The following LMO7 variants were observed in gnomAD, a reference collection of about 807,000 sequenced individuals.
The protein encoded by LMO7 is LIM domain only protein 7.
A neutral mutation model predicts 206.5 loss-of-function variants in LMO7; 120 were observed. The ratio of observed to expected loss-of-function variants is 0.58; its 90% CI spans 0.50 to 0.68. LMO7 has a LOEUF of 0.68. Among genes scored for constraint, LMO7 ranks in the 30% least tolerant of loss-of-function variants. The pLI is 0.00. For synonymous variants in LMO7, 706 were observed against 681.5 expected (o/e 1.04, Z -0.56); for missense variants, 1,959 against 1,957.9 (o/e 1.00, Z -0.01).
rs114763990 is a variant in LMO7 at position 75,669,892 on chromosome 13, G to A, written c.69+33166G>A. Among the ~76,000 whole-genome samples the A allele has an allele frequency of 4.3e-3, 656 of 152,304 alleles. 3 individuals are homozygous for A. The highest frequency in any genetic ancestry group is 0.015 in the African/African-American group (634 of 41,566). ...CAGAGGTTTCAGGATATGGGATAGG[G>A]ACATGATCTGGTGGAAACTGTGGTC... On this transcript the variant is annotated intron_variant, in intron 1 of 30. Coordinates refer to ENST00000377534, the MANE Select transcript of LMO7 (RefSeq NM_001306080.2).
chr13:75,806,647 T>C (rs905965225), intron 9 of LMO7: 5 of 152,228 alleles, frequency 3.3e-5, no homozygotes, highest in Non-Finnish European at 5.9e-5. Context: ...CTAGGGAAAA[T>C]GCAAAGGGAA....
intron 1 of LMO7, among the ~76,000 whole-genome samples, chr13:75,681,746 A>G (rs1042526323): frequency 7.2e-6 from 1 of 139,324 alleles, no homozygotes; most frequent in Non-Finnish European, 1.6e-5. Context: ...ATATATATAT[A>G]TATGGAATCT....
intron 2 of LMO7, among the ~76,000 whole-genome samples, chr13:75,626,595 A>ATATATATATTTTTTTTTTTTTTTTT: frequency 1.4e-5 from 1 of 71,098 alleles, no homozygotes; most frequent in Non-Finnish European, 3.6e-5. Flanking sequence ...ATATATATAA[A>ATATATATATTTTTTTTTTTTTTTTT]TTTTTTTGAG....
chr13:75,791,865 A>AT (rs1392588669), intron 4 of LMO7, among the ~76,000 whole-genome samples: 1 of 152,058 alleles, frequency 6.6e-6, no homozygotes, highest in South Asian at 2.1e-4. Context: ...CAAGATAGGT[A>AT]TTTTTTTAAA....
intron 1 of LMO7, among the ~76,000 whole-genome samples, chr13:75,660,495 GTTTCTTGGT>G (rs2038479476): frequency 6.6e-6 from 1 of 152,070 alleles, no homozygotes; most frequent in South Asian, 2.1e-4. Flanking sequence ...CCTCCTTCTT[GTTTCTTGGT>G]TTTCACACTT....
intron 19 of LMO7, 131 bp from the exon 20 acceptor site, chr13:75,838,009 T>C: frequency 1.6e-6 from 1 of 608,898 alleles, no homozygotes; most frequent in Non-Finnish European, 2.9e-6. Flanking sequence ...CTATATCTTC[T>C]ATGGCTATCA....
At chr13:75,672,521 T>G (rs1208238841) in intron 1 of LMO7, among the ~76,000 whole-genome samples, 1 of 152,220 alleles carries the variant, frequency 6.6e-6, no homozygotes, top group Non-Finnish European at 1.5e-5. Flanking sequence ...GAATTAGAAT[T>G]CATTTAACTT....
chr13:75,726,228 G>A (rs181163102), intron 2 of LMO7, among the ~76,000 whole-genome samples: 21 of 151,792 alleles, frequency 1.4e-4, no homozygotes, highest in African/African-American at 4.4e-4. Flanking sequence ...AAATTTCTAC[G>A]CAACCTGGCA....
Position 75,731,404 on chromosome 13 carries a change from G to A in LMO7, c.210+4306G>A, listed in dbSNP as rs868636981. 4.5e-3 allele frequency among the ~76,000 whole-genome samples: 682 copies of A among 152,158 alleles called. 7 individuals carry two copies. Among genetic ancestry groups the A allele is most frequent in the African/African-American group, 0.016 (653 of 41,518 alleles). On this transcript the variant is annotated intron_variant, in intron 3 of 30. Transcript: ENST00000377534. ...TGTAATGGCCTTCTTTGTCTCTTTT[G>A]ATCTGTGTTGGTTTAAAGTCTGTTT...
At chr13:75,753,428 ATTC>A (rs2047431249) in intron 3 of LMO7, among the ~76,000 whole-genome samples, 1 of 152,012 alleles carries the variant, frequency 6.6e-6, no homozygotes, top group Admixed American at 6.5e-5. Context: ...CCGTTTGTCT[ATTC>A]TTGTTTTTGT....
intron 4 of LMO7, among the ~76,000 whole-genome samples, chr13:75,773,145 TCA>T (rs1235768809): frequency 6.6e-6 from 1 of 152,086 alleles, no homozygotes; most frequent in East Asian, 1.9e-4. Context: ...ATCAAACATT[TCA>T]CAGAGTCTTC....
At chr13:75,767,340 A>T (rs982977703) in intron 4 of LMO7, among the ~76,000 whole-genome samples, 10 of 152,208 alleles carry the variant, frequency 6.6e-5, no homozygotes, top group African/African-American at 2.2e-4. Context: ...GTAGAAAAAC[A>T]TGGTGGTTAT....
At chr13:75,660,349 C>G (rs557412562) in intron 1 of LMO7, among the ~76,000 whole-genome samples, 23 of 152,282 alleles carry the variant, frequency 1.5e-4, no homozygotes, top group African/African-American at 5.5e-4. Context: ...TTAAAATTTT[C>G]ACAAAATTCC....
chr13:75,792,801 C>T (rs2053485027), intron 4 of LMO7, among the ~76,000 whole-genome samples: 1 of 152,086 alleles, frequency 6.6e-6, no homozygotes, highest in East Asian at 1.9e-4. Flanking sequence ...ATTTGGCTGG[C>T]CTATGTATCA....
intron 30 of LMO7, 105 bp downstream of exon 30, chr13:75,856,713 A>G: frequency 2.8e-6 from 2 of 716,160 alleles, no homozygotes; most frequent in Non-Finnish European, 5.1e-6. Context: ...GTTCACTGCC[A>G]TAGGATTCCA....
chr13:75,698,906 A>C (rs2042085001), intron 1 of LMO7, among the ~76,000 whole-genome samples: 1 of 152,204 alleles, frequency 6.6e-6, no homozygotes, highest in Non-Finnish European at 1.5e-5. Context: ...CCGAGCCATC[A>C]CCACATCTAA....
Position 75,838,155 on chromosome 13 carries a change from C to T in LMO7, c.3410C>T (p.Ser1137Phe), listed in dbSNP as rs367627741. Residue 1137 changes from serine to phenylalanine, a missense_variant, in exon 20 of 31, where the codon TCT becomes TTT. Ser to Phe is a radical substitution (Grantham distance 155). Transcript: ENST00000377534. Reference protein sequence around the residue: ...AFESKASESISLKNLKRRSQF... With the variant: ...AFESKASESIFLKNLKRRSQF... ...TTTCAACTAGCATCTGAATCCATTT[C>T]TTTGAAAAACTTAAAAAGGCGATCA... is the stretch of plus-strand genomic sequence containing the variant. 111 of 1,592,338 alleles carry T rather than the reference C, an allele frequency of 7.0e-5. 3 individuals carry two copies. Among genetic ancestry groups the T allele is most frequent in the East Asian group, 5.6e-4 (25 of 44,700 alleles).
intron 1 of LMO7, among the ~76,000 whole-genome samples, chr13:75,654,426 C>T (rs1297820432): frequency 1.3e-5 from 2 of 152,134 alleles, no homozygotes; most frequent in South Asian, 2.1e-4. Flanking sequence ...TCAGCTGACA[C>T]GTCCCACTGG....
intron 17 of LMO7, among the ~76,000 whole-genome samples, chr13:75,834,664 G>A (rs948878538): frequency 6.6e-6 from 1 of 152,120 alleles, no homozygotes; most frequent in African/African-American, 2.4e-5. Flanking sequence ...AAATGTATCT[G>A]CATCCAGGAG....
Sources: allele counts gnomAD v4.1 joint callset (sites outside exome capture counted in the v4.1 genomes callset), GRCh38; gene constraint gnomAD v4.1.1; transcripts MANE v1.5; gene names NCBI Gene and HGNC (gene_info 2026-07-23, HGNC 2026-07-21).